The following SMYD3 variants were observed in gnomAD, a reference collection of about 807,000 sequenced individuals.
The protein encoded by SMYD3 is histone-lysine N-methyltransferase SMYD3.
Under a neutral mutation model 57.7 loss-of-function variants are expected in SMYD3, and 36 were observed. That is an observed-to-expected ratio of 0.62 (90% CI 0.48 to 0.82). SMYD3 has a LOEUF of 0.82. Ranked by LOEUF, SMYD3 falls within the 40% of genes least tolerant of loss-of-function variation. The probability of loss-of-function intolerance (pLI) is 0.00; values close to 1 mark genes in which losing one functional copy is unlikely to be tolerated. For missense variants in SMYD3, 515 were observed against 538.8 expected, an observed-to-expected ratio of 0.96 and a Z score of 0.44; for synonymous variants, 211 against 195.0, an observed-to-expected ratio of 1.08 and a Z score of -0.68.
At chr1:246,112,574 C>T (rs2061263269) in intron 5 of SMYD3, among the ~76,000 whole-genome samples, 1 of 152,022 alleles carries the variant, frequency 6.6e-6, no homozygotes, top group African/African-American at 2.4e-5. Flanking sequence ...TAAATGGATC[C>T]AATTTTTCCT....
rs538900234 is a variant in SMYD3, at chr1:245,940,864, T to A, written c.532-10927A>T. Reference sequence around the variant, plus strand: ...CTTCAGAAGGTGGGTAATAACGAACTTCACTGAGTTAAAGTAGTTTGTTCT... The same window carrying A: ...CTTCAGAAGGTGGGTAATAACGAACATCACTGAGTTAAAGTAGTTTGTTCT... On this transcript the variant is annotated intron_variant, in intron 5 of 11. Transcript: ENST00000490107. Among the ~76,000 whole-genome samples the A allele has an allele frequency of 2.6e-5, 4 of 152,308 alleles. 1 individual carries two copies. The South Asian group carries it at 8.3e-4, about 32-fold the overall frequency.
At chr1:246,471,194 T>G (rs2067957065) in intron 1 of SMYD3, among the ~76,000 whole-genome samples, 1 of 152,214 alleles carries the variant, frequency 6.6e-6, no homozygotes, top group South Asian at 2.1e-4. Flanking sequence ...TGTTTTAATT[T>G]TTTTAATTTT....
At chr1:245,774,775 C>G (rs564881547) in intron 10 of SMYD3, among the ~76,000 whole-genome samples, 151 of 150,424 alleles carry the variant, frequency 1.0e-3, no homozygotes, top group Non-Finnish European at 1.6e-3. Flanking sequence ...GTACTGCTGC[C>G]ATCTCGGCTC....
intron 1 of SMYD3, among the ~76,000 whole-genome samples, chr1:246,394,574 C>T (rs1272140865): frequency 6.6e-6 from 1 of 152,222 alleles, no homozygotes; most frequent in Non-Finnish European, 1.5e-5. Context: ...CAAGAAATCA[C>T]CAATATCAGG....
At chr1:246,459,416 C>G (rs1028853087) in intron 1 of SMYD3, among the ~76,000 whole-genome samples, 1 of 150,990 alleles carries the variant, frequency 6.6e-6, no homozygotes, top group Non-Finnish European at 1.5e-5. Context: ...CTCGCGAGAT[C>G]TTGTTACTTG....
At chr1:245,967,438 A>G (rs776495902) in intron 5 of SMYD3, among the ~76,000 whole-genome samples, 7 of 152,228 alleles carry the variant, frequency 4.6e-5, no homozygotes, top group South Asian at 4.1e-4. Context: ...ACCTATGATC[A>G]GTAACTGCTG....
chr1:245,775,368 G>GA (rs2046536544), intron 10 of SMYD3, among the ~76,000 whole-genome samples: 1 of 152,284 alleles, frequency 6.6e-6, no homozygotes, highest in Middle Eastern at 3.4e-3. Context: ...TCTGTACTAA[G>GA]AAAAATTCTT....
chr1:246,227,035 T>C (rs1558329998), intron 5 of SMYD3, among the ~76,000 whole-genome samples: 1 of 152,200 alleles, frequency 6.6e-6, no homozygotes, highest in Non-Finnish European at 1.5e-5. Flanking sequence ...ATGCTTGTGA[T>C]TTTTGACATA....
intron 5 of SMYD3, among the ~76,000 whole-genome samples, chr1:246,077,837 A>G (rs1391776068): frequency 6.6e-6 from 1 of 152,022 alleles, no homozygotes; most frequent in Non-Finnish European, 1.5e-5. Context: ...TATTTTATCA[A>G]CTCTTTAAGG....
intron 5 of SMYD3, among the ~76,000 whole-genome samples, chr1:245,988,130 A>G (rs898779867): frequency 3.6e-5 from 5 of 140,808 alleles, no homozygotes; most frequent in African/African-American, 1.3e-4. Context: ...ACACACACAC[A>G]CACACACACA....
At chr1:246,268,544 A>C (rs28461642) in intron 5 of SMYD3, among the ~76,000 whole-genome samples, 2 of 151,934 alleles carry the variant, frequency 1.3e-5, no homozygotes, top group East Asian at 1.9e-4. Context: ...AAAATACACA[A>C]AAAAAAGACA....
rs138742882 is a variant in SMYD3 at position 245,767,948 on chromosome 1, A to G, written c.1077-3799T>C. ...CCCTAGAGGCAAAAATACTTGAGGT[A>G]GGATAGCAGCAATATCAACAGAAAA... On this transcript the variant is annotated intron_variant, in intron 10 of 11. Transcript: ENST00000490107. Among the ~76,000 whole-genome samples, 540 of 152,356 alleles carry G rather than the reference A, an allele frequency of 3.5e-3. 6 individuals carry two copies. Among genetic ancestry groups the G allele is most frequent in the African/African-American group, 0.012 (502 of 41,592 alleles).
At chr1:245,864,464 C>T (rs1465057141) in intron 8 of SMYD3, among the ~76,000 whole-genome samples, 1 of 152,156 alleles carries the variant, frequency 6.6e-6, no homozygotes, top group Non-Finnish European at 1.5e-5. Context: ...CTGATACCTG[C>T]TACAACATGG....
intron 10 of SMYD3, among the ~76,000 whole-genome samples, chr1:245,816,819 C>T (rs1045531744): frequency 1.3e-5 from 2 of 152,136 alleles, no homozygotes; most frequent in African/African-American, 2.4e-5. Flanking sequence ...CACTCCCACC[C>T]GAATATTGCG....
At chr1:246,164,440 G>A (rs557873967) in intron 5 of SMYD3, among the ~76,000 whole-genome samples, 7 of 151,928 alleles carry the variant, frequency 4.6e-5, no homozygotes, top group African/African-American at 1.4e-4. Context: ...TAAATAAATA[G>A]ATAAATAAAT....
At chr1:245,805,751 CCATT>C (rs60081048) in intron 10 of SMYD3, among the ~76,000 whole-genome samples, 7,235 of 152,210 alleles carry the variant, frequency 0.048, 612 homozygotes, top group African/African-American at 0.17. Flanking sequence ...TGTACTGTCC[CCATT>C]CAGACTGATG....
chr1:245,926,779 C>T (rs569751711), intron 7 of SMYD3, among the ~76,000 whole-genome samples: 2 of 152,316 alleles, frequency 1.3e-5, no homozygotes, highest in African/African-American at 2.4e-5. Context: ...CAGCAGCAGC[C>T]GCTCTTCAGC....
At chr1:246,058,580 C>G (rs538686442) in intron 5 of SMYD3, among the ~76,000 whole-genome samples, 4 of 152,102 alleles carry the variant, frequency 2.6e-5, no homozygotes, top group Non-Finnish European at 5.9e-5. Flanking sequence ...AAAAATTTTA[C>G]ACTTTCTCAA....
At chr1:245,798,243 G>C (rs991307426) in intron 10 of SMYD3, among the ~76,000 whole-genome samples, 4 of 151,708 alleles carry the variant, frequency 2.6e-5, no homozygotes, top group South Asian at 2.1e-4. Context: ...TGCCTGTGTC[G>C]AGCTGGTCTG....
Sources: allele counts gnomAD v4.1 joint callset (sites outside exome capture counted in the v4.1 genomes callset), GRCh38; gene constraint gnomAD v4.1.1; transcripts MANE v1.5; gene names NCBI Gene and HGNC (gene_info 2026-07-23, HGNC 2026-07-21).